Variants in HMGA2 observed in about 807,000 individuals in gnomAD.
The protein encoded by HMGA2 is high mobility group protein HMGI-C.
HMGA2 carries 8 observed loss-of-function variants against 19.1 expected under a neutral mutation model. The observed-to-expected ratio is 0.42, with a 90% CI of 0.25 to 0.76. HMGA2 has a LOEUF of 0.76. HMGA2 is among the 30% of genes least tolerant of loss of function. The pLI is 0.28. For missense variants in HMGA2, 109 were observed against 136.3 expected, an observed-to-expected ratio of 0.80 and a Z score of 1.00; for synonymous variants, 60 against 48.8, an observed-to-expected ratio of 1.23 and a Z score of -0.96.
chr12:65,961,499 G>A (rs896492236), intron 4 of HMGA2, among the ~76,000 whole-genome samples: 12 of 152,272 alleles, frequency 7.9e-5, no homozygotes, highest in Non-Finnish European at 1.3e-4. Flanking sequence ...TAAAGGGGAG[G>A]TAGCCTCATA....
intron 3 of HMGA2, among the ~76,000 whole-genome samples, chr12:65,919,491 C>G (rs1350128063): frequency 1.3e-5 from 2 of 152,160 alleles, no homozygotes; most frequent in African/African-American, 4.8e-5. Flanking sequence ...GCAGGTGATG[C>G]CAGGGCAGAT....
At chr12:65,902,442 G>A (rs1184202672) in intron 3 of HMGA2, among the ~76,000 whole-genome samples, 2 of 152,090 alleles carry the variant, frequency 1.3e-5, no homozygotes, top group Non-Finnish European at 2.9e-5. Flanking sequence ...TGAGATTTGA[G>A]TTCAGGTTTT....
At chr12:65,829,315 TTTAA>T (rs1214392671) in intron 2 of HMGA2, among the ~76,000 whole-genome samples, 30 of 152,128 alleles carry the variant, frequency 2.0e-4, no homozygotes, top group Admixed American at 1.7e-3. Flanking sequence ...AGAGTTTAGA[TTTAA>T]TTGTTTCTTA....
At chr12:65,894,685 T>G (rs1243155436) in intron 3 of HMGA2, among the ~76,000 whole-genome samples, 1 of 152,222 alleles carries the variant, frequency 6.6e-6, no homozygotes, top group Non-Finnish European at 1.5e-5. Flanking sequence ...TTTGCAAAAC[T>G]ACCTTTAATG....
intron 3 of HMGA2, chr12:65,877,128 T>C (rs1873083564): frequency 1.3e-5 from 2 of 152,226 alleles, no homozygotes; most frequent in Admixed American, 1.3e-4. Context: ...TTGTTCTTGT[T>C]TGAACTGATA....
At chr12:65,882,047 A>G (rs1314618075) in intron 3 of HMGA2, 4 of 630,934 alleles carry the variant, frequency 6.3e-6, no homozygotes, top group African/African-American at 1.8e-5. Context: ...CCAGTTGTCT[A>G]TCACCAAAGC....
At chr12:65,835,922 T>C (rs1870697960) in intron 2 of HMGA2, among the ~76,000 whole-genome samples, 1 of 152,206 alleles carries the variant, frequency 6.6e-6, no homozygotes, top group African/African-American at 2.4e-5. Flanking sequence ...TGTGCAATCT[T>C]ACAGTTGCTT....
In HMGA2 at chr12:65,825,160, G is replaced by A. The variant is rs1212933811; in HGVS notation, c.-111G>A. ...CCTCGCAGCCCGCCAGCTCGCGCTC[G>A]CCCCGCCGGCGTCCCCAGCCCTATC... On this transcript the variant is annotated 5_prime_UTR_variant, in exon 1 of 5. Coordinates refer to ENST00000403681, the MANE Select transcript of HMGA2 (RefSeq NM_003483.6). The surrounding 1 kb of genome is among the most constrained non-coding windows in gnomAD (Gnocchi z 4.4). The A allele has an allele frequency of 7.8e-6, 7 of 902,366 alleles. No homozygotes were observed. The highest frequency in any genetic ancestry group is 1.1e-5 in the Non-Finnish European group (7 of 628,290). 55.9% of individuals were successfully genotyped at this position (902,366 alleles called of 1,614,324 possible).
chr12:65,927,023 C>A (rs1308063654), intron 3 of HMGA2, among the ~76,000 whole-genome samples: 3 of 152,134 alleles, frequency 2.0e-5, no homozygotes, highest in African/African-American at 7.2e-5. Context: ...AGGTGAATGG[C>A]GTGGATGTTA....
Position 65,835,777 on chromosome 12 carries a change from G to A in HMGA2, c.199-2742G>A, listed in dbSNP as rs534692317. Among the ~76,000 whole-genome samples the A allele has an allele frequency of 2.7e-4, 41 of 152,128 alleles. No homozygotes were observed. The South Asian group carries it at 2.9e-3, about 11-fold the overall frequency. ...TCATGGCCCCTGAAACATAACAACCGTGCAGAAAAAGCCTGGTGTAGCACT... is the reference window on the plus strand; with the variant it reads ...TCATGGCCCCTGAAACATAACAACCATGCAGAAAAAGCCTGGTGTAGCACT... On this transcript the variant is annotated intron_variant, in intron 2 of 4. Coordinates refer to ENST00000403681, the MANE Select transcript of HMGA2 (RefSeq NM_003483.6).
At chr12:65,882,027 G>A (rs947491163) in intron 3 of HMGA2, 21 of 659,600 alleles carry the variant, frequency 3.2e-5, no homozygotes, top group African/African-American at 7.1e-5. Flanking sequence ...GCTCTGTGGA[G>A]TTTTACCTCC....
rs1293296076 is a variant in HMGA2, at chr12:65,963,369, T to C, written c.*77T>C. ...GAGAAGACACTGCAGTGACCACTTA[T>C]TCTGTATTGCCATGGTCTTTCCACT... On this transcript the variant is annotated 3_prime_UTR_variant, in exon 5 of 5. Coordinates refer to ENST00000403681, the MANE Select transcript of HMGA2 (RefSeq NM_003483.6). 7 of 919,324 alleles carry C rather than the reference T, an allele frequency of 7.6e-6. No homozygotes were observed. The highest frequency in any genetic ancestry group is 1.3e-5 in the South Asian group (1 of 75,884). 56.9% of individuals were successfully genotyped at this position (919,324 alleles called of 1,614,324 possible).
At chr12:65,868,627 C>A (rs991140905) in intron 3 of HMGA2, among the ~76,000 whole-genome samples, 24 of 152,140 alleles carry the variant, frequency 1.6e-4, no homozygotes, top group Admixed American at 3.3e-4. Flanking sequence ...TGTACATAAT[C>A]ACCATTTTCT....
chr12:65,909,830 G>T (rs552317487), intron 3 of HMGA2, among the ~76,000 whole-genome samples: 1 of 152,314 alleles, frequency 6.6e-6, no homozygotes, highest in Non-Finnish European at 1.5e-5. Context: ...TACATTTTAA[G>T]CCTGTAGGAG....
intron 3 of HMGA2, among the ~76,000 whole-genome samples, chr12:65,895,957 G>GT (rs1018381201): frequency 2.6e-5 from 4 of 152,200 alleles, no homozygotes; most frequent in African/African-American, 9.7e-5. Flanking sequence ...GTTTGCATGT[G>GT]TGTGTTTTCT....
chr12:65,842,430 TAGTTACACATAG>T (rs1175253368), intron 3 of HMGA2, among the ~76,000 whole-genome samples: 1 of 152,240 alleles, frequency 6.6e-6, no homozygotes, highest in Admixed American at 6.5e-5. Context: ...CAGCCACCAG[TAGTTACACATAG>T]AATGAAGTAA....
chr12:65,877,883 A>G (rs1453576517), intron 3 of HMGA2, among the ~76,000 whole-genome samples: 1 of 152,100 alleles, frequency 6.6e-6, no homozygotes. Context: ...CCTATGTTCC[A>G]TATCATGGGA....
chr12:65,827,875 G>C, intron 1 of HMGA2, 126 bp from the exon 2 acceptor site: 1 of 729,328 alleles, frequency 1.4e-6, no homozygotes, highest in South Asian at 1.5e-5. Flanking sequence ...ATCCATTTAT[G>C]CTTGAACTGA....
intron 3 of HMGA2, among the ~76,000 whole-genome samples, chr12:65,924,864 C>A (rs182834985): frequency 2.1e-4 from 32 of 152,304 alleles, no homozygotes; most frequent in East Asian, 9.7e-4. Flanking sequence ...TCTCTCCCAG[C>A]CTTTCAGAAC....
Sources: gnomAD v4.1 joint callset for allele counts (sites outside exome capture counted in the v4.1 genomes callset) on GRCh38, gnomAD v4.1.1 for gene constraint, Gnocchi (gnomAD v3.1) non-coding constraint, MANE v1.5 for transcripts, NCBI Gene and HGNC (gene_info 2026-07-23, HGNC 2026-07-21) for gene names.